CRPPA: variants seen among roughly 807,000 people sequenced by gnomAD.
CRPPA encodes the protein D-ribitol-5-phosphate cytidylyltransferase.
In CRPPA, 43 loss-of-function variants were observed where a neutral mutation model predicts 52.0. The ratio of observed to expected loss-of-function variants is 0.83; its 90% CI spans 0.65 to 1.07. CRPPA has a LOEUF of 1.07. Ranked by LOEUF, CRPPA falls within the 50% of genes least tolerant of loss-of-function variation. The pLI is 0.00. For missense variants in CRPPA, 629 were observed against 551.7 expected, an observed-to-expected ratio of 1.14 and a Z score of -1.40; for synonymous variants, 250 against 203.5, an observed-to-expected ratio of 1.23 and a Z score of -1.94.
At chr7:16,383,620 G>A (rs1462705990) in intron 2 of CRPPA, among the ~76,000 whole-genome samples, 2 of 152,242 alleles carry the variant, frequency 1.3e-5, no homozygotes, top group Non-Finnish European at 2.9e-5. Flanking sequence ...GAGGCAGGCA[G>A]GCCTCCTTGA....
At chr7:16,364,661 C>A (rs2128309989) in intron 3 of CRPPA, among the ~76,000 whole-genome samples, 1 of 152,274 alleles carries the variant, frequency 6.6e-6, no homozygotes, top group Admixed American at 6.5e-5. Flanking sequence ...AATCAATGTG[C>A]AGTGTGGCCT....
chr7:16,416,047 C>G (rs1343963026), intron 1 of CRPPA, among the ~76,000 whole-genome samples: 1 of 152,088 alleles, frequency 6.6e-6, no homozygotes, highest in Non-Finnish European at 1.5e-5. Flanking sequence ...ACTTCTCAAC[C>G]CTCTATTAGT....
intron 9 of CRPPA, 55 bp downstream of exon 9, chr7:16,216,011 T>C: frequency 1.5e-6 from 2 of 1,353,394 alleles, no homozygotes; most frequent in East Asian, 2.4e-5. Flanking sequence ...ATCAGATACC[T>C]ACCATTAAAA....
intron 5 of CRPPA, among the ~76,000 whole-genome samples, chr7:16,279,515 AT>A (rs984651896): frequency 3.0e-4 from 46 of 152,342 alleles, no homozygotes; most frequent in Middle Eastern, 3.4e-3. Context: ...ATCCAAAAAA[AT>A]AAATCTGTAA....
At chr7:16,388,907 GA>G (rs935979044) in intron 2 of CRPPA, among the ~76,000 whole-genome samples, 25 of 148,976 alleles carry the variant, frequency 1.7e-4, no homozygotes, top group East Asian at 7.8e-4. Flanking sequence ...AACCTTTGAC[GA>G]AAAAAAAAGG....
At chr7:16,166,746 C>G (rs192793228) in intron 9 of CRPPA, among the ~76,000 whole-genome samples, 3 of 152,220 alleles carry the variant, frequency 2.0e-5, no homozygotes, top group Non-Finnish European at 4.4e-5. Flanking sequence ...TCTTACATCA[C>G]GATCTTGCCA....
intron 9 of CRPPA, among the ~76,000 whole-genome samples, chr7:16,199,854 CTTTTTTTTTTT>C (rs68003825): frequency 1.7e-5 from 2 of 120,114 alleles, no homozygotes; most frequent in African/African-American, 6.4e-5. Context: ...TAAGCTTTTT[CTTTTTTTTTTT>C]TTTTTTTTTG....
At chr7:16,367,071 A>AT (rs1211848640) in intron 3 of CRPPA, among the ~76,000 whole-genome samples, 39 of 151,850 alleles carry the variant, frequency 2.6e-4, no homozygotes, top group African/African-American at 8.9e-4. Flanking sequence ...ATCCCTACTC[A>AT]TTTCTCTTTA....
At chr7:16,353,841 C>T (rs369644740) in intron 3 of CRPPA, among the ~76,000 whole-genome samples, 1 of 132,700 alleles carries the variant, frequency 7.5e-6, no homozygotes, top group African/African-American at 2.8e-5. Context: ...CAAAGTGAGA[C>T]TCCATCTCAC....
At chr7:16,189,086 A>T (rs1395554381) in intron 9 of CRPPA, among the ~76,000 whole-genome samples, 4 of 152,166 alleles carry the variant, frequency 2.6e-5, no homozygotes, top group Non-Finnish European at 5.9e-5. Flanking sequence ...GTAGATATAA[A>T]CACACATTAA....
intron 1 of CRPPA, among the ~76,000 whole-genome samples, chr7:16,408,125 A>AAT (rs1562689359): frequency 6.7e-5 from 10 of 149,356 alleles, no homozygotes; most frequent in South Asian, 2.1e-4. Context: ...AAAAAAATAA[A>AAT]AAAATAACTT....
At chr7:16,116,931 G>GA (rs1782387466) in intron 9 of CRPPA, among the ~76,000 whole-genome samples, 1 of 152,178 alleles carries the variant, frequency 6.6e-6, no homozygotes, top group Non-Finnish European at 1.5e-5. Context: ...CAATCTGGCT[G>GA]AAAGTCTTTA....
rs1416248224 is a variant in CRPPA at position 16,216,235 on chromosome 7, C to A, written c.1120-38G>T. On this transcript the variant is annotated intron_variant, in intron 8 of 9. Transcript: ENST00000407010. ...AAAGACAGTATTTAGAATATCATTC[C>A]CTTCAACTTTCTCTGGAGGGAAAAA... is the stretch of plus-strand genomic sequence containing the variant. The A allele has an allele frequency of 7.3e-6, 10 of 1,367,004 alleles. No homozygotes were observed. The Admixed American group carries it at 2.4e-4, about 33-fold the overall frequency. 84.7% of individuals were successfully genotyped at this position (1,367,004 alleles called of 1,614,324 possible).
chr7:16,402,861 G>C (rs1583583181), intron 2 of CRPPA, among the ~76,000 whole-genome samples: 1 of 151,790 alleles, frequency 6.6e-6, no homozygotes, highest in African/African-American at 2.4e-5. Context: ...ACCAGAAATG[G>C]GCAGAATCAA....
intron 6 of CRPPA, among the ~76,000 whole-genome samples, chr7:16,271,204 A>G (rs1784082359): frequency 1.3e-5 from 2 of 152,164 alleles, no homozygotes; most frequent in Admixed American, 1.3e-4. Flanking sequence ...CAGAGTATAG[A>G]TCAGCATTCT....
chr7:16,221,283 C>T (rs958054724), intron 8 of CRPPA, among the ~76,000 whole-genome samples: 1 of 152,092 alleles, frequency 6.6e-6, no homozygotes, highest in African/African-American at 2.4e-5. Flanking sequence ...ACACCTTATA[C>T]AAAAATCAAT....
intron 3 of CRPPA, among the ~76,000 whole-genome samples, chr7:16,356,381 A>C (rs1786295568): frequency 6.6e-6 from 1 of 152,156 alleles, no homozygotes; most frequent in Non-Finnish European, 1.5e-5. Flanking sequence ...TCTTATAATG[A>C]CTGTGGTGTA....
intron 3 of CRPPA, among the ~76,000 whole-genome samples, chr7:16,352,565 CA>C (rs1786184268): frequency 6.6e-6 from 1 of 152,094 alleles, no homozygotes; most frequent in South Asian, 2.1e-4. Context: ...TATCATCTCA[CA>C]ACTGTTACAT....
At chr7:16,373,051 T>C (rs1786788286) in intron 3 of CRPPA, among the ~76,000 whole-genome samples, 1 of 152,138 alleles carries the variant, frequency 6.6e-6, no homozygotes. Context: ...TCCCAACACT[T>C]TGGGAGGCCA....
Sources: gnomAD v4.1 joint callset for allele counts (sites outside exome capture counted in the v4.1 genomes callset) on GRCh38, gnomAD v4.1.1 for gene constraint, MANE v1.5 for transcripts, NCBI Gene and HGNC (gene_info 2026-07-23, HGNC 2026-07-21) for gene names.